TSTD2: variants seen among roughly 807,000 people sequenced by gnomAD.
The protein encoded by TSTD2 is thiosulfate sulfurtransferase like domain containing 2.
Under a neutral mutation model 47.9 loss-of-function variants are expected in TSTD2, and 37 were observed. The ratio of observed to expected loss-of-function variants is 0.77; its 90% CI spans 0.59 to 1.02. The LOEUF is 1.02. Among genes scored for constraint, TSTD2 ranks in the 50% least tolerant of loss-of-function variants. TSTD2 has a pLI of 0.00. For missense variants in TSTD2, 586 were observed against 616.0 expected, an observed-to-expected ratio of 0.95 and a Z score of 0.52; for synonymous variants, 201 against 215.9, an observed-to-expected ratio of 0.93 and a Z score of 0.61.
intron 5 of TSTD2, 40 bp downstream of exon 5, chr9:97,611,534 C>T (rs904040733): frequency 6.5e-7 from 1 of 1,547,818 alleles, no homozygotes; most frequent in Admixed American, 1.7e-5. Flanking sequence ...GAGGCAGAAG[C>T]AGATGGCTCT....
At chr9:97,628,291 T>C (rs895022012) in intron 1 of TSTD2, among the ~76,000 whole-genome samples, 7 of 152,188 alleles carry the variant, frequency 4.6e-5, no homozygotes, top group African/African-American at 1.7e-4. Flanking sequence ...ACCATGTTGG[T>C]TCTTTTGTAA....
At chr9:97,619,346 T>G (rs137958313) in intron 3 of TSTD2, among the ~76,000 whole-genome samples, 213 of 152,310 alleles carry the variant, frequency 1.4e-3, no homozygotes, top group African/African-American at 5.0e-3. Flanking sequence ...ACTGTGCAGG[T>G]CCACTTACTT....
chr9:97,621,275 T>G (rs1022105528), intron 3 of TSTD2, among the ~76,000 whole-genome samples: 1 of 152,230 alleles, frequency 6.6e-6, no homozygotes, highest in Non-Finnish European at 1.5e-5. Context: ...CTTTAATCTC[T>G]TAATCCCGTC....
Position 97,602,289 on chromosome 9 carries a change from T to A in TSTD2, c.*180A>T. 3.0e-6 allele frequency: 2 copies of A among 668,642 alleles called. No homozygotes were observed. Among genetic ancestry groups the A allele is most frequent in the South Asian group, 2.1e-5 (1 of 46,988 alleles). The allele number at this position is 668,642 out of a possible 1,614,324, so 41.4% of individuals were successfully genotyped here. On this transcript the variant is annotated 3_prime_UTR_variant, in exon 10 of 10. Transcript: ENST00000341170. Reference sequence around the variant, plus strand: ...ATCATCCAAATCAGAATGTCTCAGGTAAGTGGTAGACAACGTGACTCCTCC... The same window carrying A: ...ATCATCCAAATCAGAATGTCTCAGGAAAGTGGTAGACAACGTGACTCCTCC...
chr9:97,603,884 G>C (rs1437569626), intron 9 of TSTD2, among the ~76,000 whole-genome samples: 1 of 152,164 alleles, frequency 6.6e-6, no homozygotes, highest in African/African-American at 2.4e-5. Flanking sequence ...TAGAGACATA[G>C]TGAGCTATGT....
At chr9:97,621,340 A>ATT (rs1264019377) in intron 3 of TSTD2, among the ~76,000 whole-genome samples, 4 of 151,934 alleles carry the variant, frequency 2.6e-5, no homozygotes, top group African/African-American at 9.7e-5. Flanking sequence ...GATTGTGTTA[A>ATT]TTGCACAAAC....
Position 97,602,755 on chromosome 9 carries a change from C to T in TSTD2, c.1265G>A (p.Cys422Tyr), listed in dbSNP as rs1430238392. 3 of 1,611,842 alleles carry T rather than the reference C, an allele frequency of 1.9e-6. No individual in the cohort carries two copies. Among genetic ancestry groups the T allele is most frequent in the Non-Finnish European group, 2.5e-6 (3 of 1,178,692 alleles). The change falls in exon 10 of 10, where the codon TGT becomes TAT. Residue 422 changes from cysteine to tyrosine, a missense_variant. Coordinates refer to ENST00000341170, the MANE Select transcript of TSTD2 (RefSeq NM_139246.5). ...NSDVVSECSY[C>Y]GARWDQYKLC... Reference sequence around the variant, plus strand: ...TTTATACTGGTCCCAGCGGGCTCCACAGTATGAACACTCTGGGGAGGAAGG... The same window carrying T: ...TTTATACTGGTCCCAGCGGGCTCCATAGTATGAACACTCTGGGGAGGAAGG...
intron 3 of TSTD2, among the ~76,000 whole-genome samples, chr9:97,621,700 C>T (rs552590328): frequency 6.6e-6 from 1 of 152,234 alleles, no homozygotes; most frequent in Admixed American, 6.5e-5. Flanking sequence ...TCCAGCCTGG[C>T]GAATTCTAGT....
intron 4 of TSTD2, among the ~76,000 whole-genome samples, chr9:97,617,129 G>A (rs2131312296): frequency 6.6e-6 from 1 of 152,336 alleles, no homozygotes; most frequent in East Asian, 1.9e-4. Context: ...GATAGAATGT[G>A]ATGAGATCTG....
chr9:97,621,838 C>T (rs1307390505), intron 3 of TSTD2, among the ~76,000 whole-genome samples: 2 of 152,086 alleles, frequency 1.3e-5, no homozygotes, highest in African/African-American at 2.4e-5. Context: ...CCTTGCTCTG[C>T]CCTTCTGCCC....
chr9:97,626,529 C>T (rs1826723725), intron 2 of TSTD2, among the ~76,000 whole-genome samples: 1 of 152,144 alleles, frequency 6.6e-6, no homozygotes, highest in African/African-American at 2.4e-5. Flanking sequence ...TATCTTCCTT[C>T]TTGGAAAATA....
rs369130358 is a variant in TSTD2 at position 97,610,152 on chromosome 9, G to A, written c.835+194C>T. The stretch of plus-strand genomic sequence containing the variant: ...CCAAGAGGAATAAGATAGGTCACTC[G>A]AAGAGGTGAGTCTTCAACCCCACAG... On this transcript the variant is annotated intron_variant, in intron 6 of 9. Coordinates refer to ENST00000341170, the MANE Select transcript of TSTD2 (RefSeq NM_139246.5). 491 of 431,600 alleles carry A rather than the reference G, an allele frequency of 1.1e-3. 6 individuals are homozygous for A. Among genetic ancestry groups the A allele is most frequent in the African/African-American group, 7.0e-3 (342 of 48,654 alleles). The allele number at this position is 431,600 out of a possible 1,614,324, so 26.7% of individuals were successfully genotyped here.
intron 4 of TSTD2, 94 bp downstream of exon 4, chr9:97,617,663 G>T (rs1826568507): frequency 6.9e-7 from 1 of 1,441,680 alleles, no homozygotes; most frequent in Admixed American, 2.5e-5. Flanking sequence ...GAACTCAACA[G>T]TGAATCTTTT....
intron 4 of TSTD2, 150 bp downstream of exon 4, chr9:97,617,607 C>G (rs1341554419): frequency 8.9e-6 from 9 of 1,011,006 alleles, no homozygotes; most frequent in Non-Finnish European, 1.4e-6. Context: ...TTAATGGCTG[C>G]CTAATATTCT....
At position 97,602,540 on chromosome 9, in the gene TSTD2, G is replaced by C; in HGVS notation, c.1480C>G (p.Gln494Glu). ...RRPRIPRELL[Q>E]HVRQPVSPEP... is the part of the protein sequence containing the mutation. ...GGGCTCACAGGCTGTCGCACATGCTGCAAGAGTTCCCTAGGTATGCGTGGC... is the reference window on the plus strand; with the variant it reads ...GGGCTCACAGGCTGTCGCACATGCTCCAAGAGTTCCCTAGGTATGCGTGGC... Residue 494 changes from glutamine to glutamate, a missense_variant, in exon 10 of 10, where the codon CAG becomes GAG. Coordinates refer to ENST00000341170, the MANE Select transcript of TSTD2 (RefSeq NM_139246.5). 1.9e-6 allele frequency: 3 copies of C among 1,614,184 alleles called. No homozygotes were observed. The highest frequency in any genetic ancestry group is 3.3e-5 in the Admixed American group (2 of 60,036).
At position 97,627,531 on chromosome 9, in the gene TSTD2, T is replaced by C; in HGVS notation, c.32A>G (p.Asp11Gly). Residue 11 changes from aspartate to glycine, a missense_variant, in exon 2 of 10, where the codon GAT becomes GGT. Transcript: ENST00000341170. ...TCTTAAAATGCAGTTCTCCAGGTCA[T>C]CTCCTTGGTCTGGTGAAGTGGAAGA... MPSSTSPDQG[D>G]DLENCILRFS... The C allele has an allele frequency of 6.2e-7, 1 of 1,611,860 alleles. No homozygotes were observed. The highest frequency in any genetic ancestry group is 2.2e-5 in the East Asian group (1 of 44,844).
intron 1 of TSTD2, among the ~76,000 whole-genome samples, chr9:97,628,623 T>G (rs532059992): frequency 6.6e-6 from 1 of 152,324 alleles, no homozygotes; most frequent in East Asian, 1.9e-4. Flanking sequence ...ACAGATTATA[T>G]TTTCCAAAAA....
chr9:97,633,351 G>C lies in TSTD2; in HGVS notation c.-159C>G, dbSNP rs12346388. The stretch of plus-strand genomic sequence containing the variant: ...TATTCCCCCGCCGCGTATTTGGGTA[G>C]AAAAGCTCGCTCGTGACGTCACCAA... On this transcript the variant is annotated 5_prime_UTR_variant, in exon 1 of 10. Coordinates refer to ENST00000341170, the MANE Select transcript of TSTD2 (RefSeq NM_139246.5). 5.4e-6 allele frequency: 2 copies of C among 370,666 alleles called. No individual in the cohort carries two copies. Among genetic ancestry groups the C allele is most frequent in the South Asian group, 2.5e-4 (2 of 7,864 alleles). 23.0% of individuals were successfully genotyped at this position (370,666 alleles called of 1,614,324 possible). A position where few individuals can be genotyped will look rare whatever the true frequency, so the allele number is the denominator to read the frequency against.
At chr9:97,616,174 G>C (rs777894359) in intron 4 of TSTD2, among the ~76,000 whole-genome samples, 4 of 152,162 alleles carry the variant, frequency 2.6e-5, no homozygotes, top group Admixed American at 2.0e-4. Flanking sequence ...TAGTTTGCTT[G>C]TAAGAAGGCC....
Sources: gnomAD v4.1 joint callset for allele counts (sites outside exome capture counted in the v4.1 genomes callset) on GRCh38, gnomAD v4.1.1 for gene constraint, MANE v1.5 for transcripts, NCBI Gene and HGNC (gene_info 2026-07-23, HGNC 2026-07-21) for gene names.